The following LUC7L2 variants were observed in gnomAD, a reference collection of about 807,000 sequenced individuals.
LUC7L2 encodes the protein LUC7 like 2, pre-mRNA splicing factor.
In LUC7L2, 25 loss-of-function variants were observed where a neutral mutation model predicts 52.8. That is an observed-to-expected ratio of 0.47 (90% confidence interval 0.34 to 0.66). The LOEUF (loss-of-function observed/expected upper bound fraction) is 0.66. LUC7L2 is among the 30% of genes least tolerant of loss of function. The probability of loss-of-function intolerance (pLI) is 0.01; values close to 1 mark genes in which losing one functional copy is unlikely to be tolerated. For missense variants in LUC7L2, 328 were observed against 497.8 expected, an observed-to-expected ratio of 0.66 and a Z score of 3.25; for synonymous variants, 144 against 160.9, an observed-to-expected ratio of 0.89 and a Z score of 0.80.
At chr7:139,409,174 C>T (rs2131298478) in intron 6 of LUC7L2, among the ~76,000 whole-genome samples, 1 of 151,870 alleles carries the variant, frequency 6.6e-6, no homozygotes, top group African/African-American at 2.4e-5. Context: ...GTCTCAGTGG[C>T]TCGCACCTGT....
chr7:139,376,194 T>A (rs552023468), intron 2 of LUC7L2, 38 bp downstream of exon 2: 2 of 1,579,950 alleles, frequency 1.3e-6, no homozygotes, highest in Non-Finnish European at 1.7e-6. Context: ...ATTACTGATA[T>A]GCTGCAGTAA....
chr7:139,393,981 C>T (rs1419826408), intron 2 of LUC7L2, among the ~76,000 whole-genome samples: 5 of 152,164 alleles, frequency 3.3e-5, no homozygotes, highest in Non-Finnish European at 7.4e-5. Flanking sequence ...ACACCAAAAT[C>T]TACTATGATG....
chr7:139,412,661 C>A (rs1795412156), intron 8 of LUC7L2, 81 bp downstream of exon 8: 3 of 1,503,504 alleles, frequency 2.0e-6, no homozygotes, highest in Non-Finnish European at 2.7e-6. Flanking sequence ...TTAAATGGTC[C>A]TTTAAAAATT....
chr7:139,362,521 C>T (rs1799940374), intron 1 of LUC7L2, among the ~76,000 whole-genome samples: 1 of 151,768 alleles, frequency 6.6e-6, no homozygotes, highest in Admixed American at 6.6e-5. Flanking sequence ...CCTATGGGAA[C>T]GCTGTTGGGT....
In LUC7L2 at chr7:139,400,318, G is replaced by A. The variant is rs572960768; in HGVS notation, c.255+1621G>A. On this transcript the variant is annotated intron_variant, in intron 3 of 9. Coordinates refer to ENST00000354926, the MANE Select transcript of LUC7L2 (RefSeq NM_016019.5). ...AAGGTCAGTAGTTCAAGACCAGCCT[G>A]GCCAACATGGTGAAACCCCATCTCT... Among the ~76,000 whole-genome samples the A allele has an allele frequency of 2.3e-3, 345 of 152,184 alleles. 1 individual carries two copies. The highest frequency in any genetic ancestry group is 4.1e-3 in the Non-Finnish European group (277 of 67,992).
At chr7:139,399,714 C>T (rs1236516073) in intron 3 of LUC7L2, among the ~76,000 whole-genome samples, 1 of 151,940 alleles carries the variant, frequency 6.6e-6, no homozygotes, top group Non-Finnish European at 1.5e-5. Flanking sequence ...CGTGATCCGC[C>T]CGCCTCAGCC....
At chr7:139,406,308 T>C (rs998873154) in intron 5 of LUC7L2, among the ~76,000 whole-genome samples, 1 of 150,856 alleles carries the variant, frequency 6.6e-6, no homozygotes, top group African/African-American at 2.4e-5. Context: ...TGCCTCGGCC[T>C]CCCAAAGTGC....
rs138567366 is a variant in LUC7L2 at position 139,353,417 on chromosome 7, T to C, written c.-26+12900T>C. On this transcript the variant is annotated intron_variant, in intron 1 of 10. Transcript: ENST00000541170. The stretch of plus-strand genomic sequence containing the variant: ...TTAAATGTATAGTTTAATCCTACTT[T>C]ATATTATTTTGTTACCCTCTGAGAC... Among the ~76,000 whole-genome samples, 23 of 152,366 alleles carry C rather than the reference T, an allele frequency of 1.5e-4. 1 individual carries two copies. The East Asian group carries it at 4.4e-3, about 29-fold the overall frequency.
chr7:139,382,974 G>T (rs7802072), intron 2 of LUC7L2, among the ~76,000 whole-genome samples: 3 of 151,822 alleles, frequency 2.0e-5, no homozygotes, highest in Non-Finnish European at 4.4e-5. Flanking sequence ...TGCCCAGGCT[G>T]GAGTGCACTG....
intron 4 of LUC7L2, among the ~76,000 whole-genome samples, chr7:139,402,996 T>C (rs1569388733): frequency 6.6e-6 from 1 of 152,258 alleles, no homozygotes; most frequent in Non-Finnish European, 1.5e-5. Context: ...TCTGTAGTTA[T>C]GTTATTTCAT....
At chr7:139,359,710 T>C (rs1378650729), upstream of LUC7L2, 4 of 398,446 alleles carry the variant, frequency 1.0e-5, no homozygotes, top group Non-Finnish European at 1.8e-5. Context: ...GGATCCGGCT[T>C]GCACAGTCAG....
intron 2 of LUC7L2, among the ~76,000 whole-genome samples, chr7:139,381,453 A>T (rs1035163699): frequency 6.6e-6 from 1 of 151,114 alleles, no homozygotes; most frequent in Non-Finnish European, 1.5e-5. Context: ...ACTCTTGGCC[A>T]GGCTGGAGTG....
intron 1 of LUC7L2, among the ~76,000 whole-genome samples, chr7:139,362,090 T>C (rs1799914154): frequency 6.6e-6 from 1 of 152,172 alleles, no homozygotes; most frequent in African/African-American, 2.4e-5. Context: ...TGTATTTTTT[T>C]ATGTGTCTGT....
chr7:139,396,298 T>G (rs1794661074), intron 2 of LUC7L2, among the ~76,000 whole-genome samples: 1 of 151,764 alleles, frequency 6.6e-6, no homozygotes, highest in African/African-American at 2.4e-5. Context: ...TAGCTGGATA[T>G]GGTGGCGGGG....
At chr7:139,359,603 A>G (rs1479744861), upstream of LUC7L2, 1 of 392,718 alleles carries the variant, frequency 2.5e-6, no homozygotes, top group Non-Finnish European at 4.5e-6. Flanking sequence ...CATTTTGCTA[A>G]TTTGGGTCTG....
At chr7:139,397,893 T>C (rs913464539) in intron 2 of LUC7L2, among the ~76,000 whole-genome samples, 4 of 152,248 alleles carry the variant, frequency 2.6e-5, no homozygotes, top group African/African-American at 9.6e-5. Context: ...GATTAAATGC[T>C]TGTTCTCTGT....
chr7:139,366,284 C>G (rs1434630477), intron 1 of LUC7L2, among the ~76,000 whole-genome samples: 2 of 152,100 alleles, frequency 1.3e-5, no homozygotes, highest in Admixed American at 6.5e-5. Flanking sequence ...AACCAGCTGC[C>G]CTTGCTGAAT....
At chr7:139,387,367 G>A (rs914228710) in intron 2 of LUC7L2, among the ~76,000 whole-genome samples, 10 of 151,730 alleles carry the variant, frequency 6.6e-5, no homozygotes, top group African/African-American at 1.5e-4. Context: ...CTATTTTTTC[G>A]TATATTCAGT....
intron 7 of LUC7L2, among the ~76,000 whole-genome samples, chr7:139,412,010 G>T (rs1585130544): frequency 6.6e-6 from 1 of 152,066 alleles, no homozygotes; most frequent in African/African-American, 2.4e-5. Context: ...TTGAGTGCTG[G>T]CAGCATTTAA....
Sources: allele counts gnomAD v4.1 joint callset (sites outside exome capture counted in the v4.1 genomes callset), GRCh38; gene constraint gnomAD v4.1.1; transcripts MANE v1.5; gene names NCBI Gene and HGNC (gene_info 2026-07-23, HGNC 2026-07-21).